FSTL4: variants seen among roughly 807,000 people sequenced by gnomAD.
FSTL4 encodes the protein follistatin like 4.
In FSTL4, 28 loss-of-function variants were observed where a neutral mutation model predicts 78.2. The observed-to-expected ratio is 0.36, with a 90% CI of 0.27 to 0.49. FSTL4 has a LOEUF of 0.49. Ranked by LOEUF, FSTL4 falls within the 20% of genes least tolerant of loss-of-function variation. The pLI, the probability that FSTL4 is intolerant of heterozygous loss-of-function variation, is 0.98. For missense variants in FSTL4, 922 were observed against 1,084.9 expected, an observed-to-expected ratio of 0.85 and a Z score of 2.11; for synonymous variants, 422 against 440.5, an observed-to-expected ratio of 0.96 and a Z score of 0.53.
chr5:133,779,463 G>A, the FSTL4 span, among the ~76,000 whole-genome samples: 520 of 152,258 alleles, frequency 3.4e-3, 4 homozygotes, highest in East Asian at 7.3e-3. Flanking sequence ...GCGGGCACCT[G>A]TAGTCCCAGC....
chr5:133,201,428 G>C (rs1173876688), intron 15 of FSTL4, among the ~76,000 whole-genome samples: 3 of 152,170 alleles, frequency 2.0e-5, no homozygotes, highest in Non-Finnish European at 4.4e-5. Flanking sequence ...AAAGTATTAT[G>C]GGCTGTGGTT....
chr5:133,351,082 C>A (rs1291268834), intron 4 of FSTL4, among the ~76,000 whole-genome samples: 1 of 152,170 alleles, frequency 6.6e-6, no homozygotes, highest in African/African-American at 2.4e-5. Flanking sequence ...TTTTGGCCAG[C>A]AGAGGGAAAG....
At position 133,400,719 on chromosome 5, in the gene FSTL4, GCAAGGGCCCTGTT is replaced by G. The variant is rs1275267328; in HGVS notation, c.409+6_409+18del. The G allele has an allele frequency of 6.2e-7, 1 of 1,608,970 alleles. No homozygotes were observed. Among genetic ancestry groups the G allele is most frequent in the South Asian group, 1.1e-5 (1 of 90,996 alleles). ...CCATCACAAAACCCAAAACCACAGG[GCAAGGGCCCTGTT>G]CCTACCTTTGAGGAAACAGTCCTTG... On this transcript the variant is annotated splice_donor_region_variant and intron_variant, in intron 4 of 15. Transcript: ENST00000265342.
chr5:133,542,922 CT>C (rs200858815), intron 3 of FSTL4, among the ~76,000 whole-genome samples: 2,202 of 143,414 alleles, frequency 0.015, 56 homozygotes, highest in African/African-American at 0.051. Flanking sequence ...TTCTGTTGTA[CT>C]TTTTTTTTTT....
intron 4 of FSTL4, 117 bp downstream of exon 4, chr5:133,400,621 G>T: frequency 1.1e-6 from 1 of 946,364 alleles, no homozygotes; most frequent in Non-Finnish European, 1.6e-6. Flanking sequence ...ACCAGTCTTT[G>T]TCTTTATTTC....
chr5:133,502,192 G>A (rs1052663380), intron 3 of FSTL4, among the ~76,000 whole-genome samples: 3 of 152,182 alleles, frequency 2.0e-5, no homozygotes, highest in African/African-American at 7.2e-5. Flanking sequence ...GCAGCCCTAG[G>A]AGACTAACAC....
the FSTL4 span, among the ~76,000 whole-genome samples, chr5:133,645,383 G>A: frequency 2.6e-5 from 4 of 152,142 alleles, no homozygotes; most frequent in African/African-American, 7.2e-5. Context: ...TGTTGATGCA[G>A]GATGGCAAGC....
At chr5:133,510,882 C>A (rs1165383253) in intron 3 of FSTL4, among the ~76,000 whole-genome samples, 1 of 152,134 alleles carries the variant, frequency 6.6e-6, no homozygotes, top group East Asian at 1.9e-4. Flanking sequence ...GACGTCAAAA[C>A]CCATCTGTGA....
chr5:133,613,238 A>C (rs142261722), upstream of FSTL4, among the ~76,000 whole-genome samples: 56 of 152,318 alleles, frequency 3.7e-4, no homozygotes, highest in Non-Finnish European at 6.9e-4. Context: ...TCCCGAATGA[A>C]CTGGAAACAC....
At chr5:133,688,848 C>T in the FSTL4 span, among the ~76,000 whole-genome samples, 5 of 152,174 alleles carry the variant, frequency 3.3e-5, no homozygotes, top group African/African-American at 1.2e-4. Flanking sequence ...TACCACGGGG[C>T]CAGGGATGTC....
chr5:133,812,505 T>G, the FSTL4 span, among the ~76,000 whole-genome samples: 3 of 152,252 alleles, frequency 2.0e-5, no homozygotes, highest in African/African-American at 7.2e-5. Context: ...TTGCACCAGC[T>G]GATCCCTCTA....
At chr5:133,681,678 A>G in the FSTL4 span, among the ~76,000 whole-genome samples, 1 of 152,194 alleles carries the variant, frequency 6.6e-6, no homozygotes, top group Non-Finnish European at 1.5e-5. Context: ...GCTAATCAGG[A>G]GGAATTGGAC....
chr5:133,583,250 T>C (rs1328608261), intron 2 of FSTL4: 3 of 455,884 alleles, frequency 6.6e-6, no homozygotes, highest in African/African-American at 2.0e-5. Context: ...TGGCTGCCAA[T>C]GCTGGGAATC....
chr5:133,709,459 A>T, the FSTL4 span, among the ~76,000 whole-genome samples: 1 of 152,232 alleles, frequency 6.6e-6, no homozygotes, highest in African/African-American at 2.4e-5. Flanking sequence ...TATTTTCTTC[A>T]GTCTATTTTT....
At chr5:133,690,068 CACAAACAAACAA>C in the FSTL4 span, among the ~76,000 whole-genome samples, 77 of 149,806 alleles carry the variant, frequency 5.1e-4, no homozygotes, top group East Asian at 2.0e-4. Flanking sequence ...TTTCAAAACA[CACAAACAAACAA>C]ACAAACAAAC....
intron 4 of FSTL4, among the ~76,000 whole-genome samples, chr5:133,391,835 G>A (rs1433520147): frequency 2.0e-5 from 3 of 152,154 alleles, no homozygotes; most frequent in Non-Finnish European, 2.9e-5. Context: ...CAGAGGCTCT[G>A]GCTAACTGCC....
At chr5:133,840,610 C>T in the FSTL4 span, among the ~76,000 whole-genome samples, 2 of 152,316 alleles carry the variant, frequency 1.3e-5, no homozygotes, top group East Asian at 3.9e-4. Context: ...CTCACAGGCC[C>T]ATCTGCTTTC....
At chr5:133,329,956 A>T (rs2126906894) in intron 4 of FSTL4, among the ~76,000 whole-genome samples, 1 of 152,292 alleles carries the variant, frequency 6.6e-6, no homozygotes, top group Non-Finnish European at 1.5e-5. Flanking sequence ...CCAAGGATGC[A>T]CCTCTGCTGT....
the FSTL4 span, among the ~76,000 whole-genome samples, chr5:133,751,180 C>A: frequency 6.6e-5 from 10 of 152,156 alleles, no homozygotes; most frequent in Admixed American, 6.5e-4. Flanking sequence ...GTCCCAAAGG[C>A]CCCCAAGCAA....
Sources: allele counts gnomAD v4.1 joint callset (sites outside exome capture counted in the v4.1 genomes callset), GRCh38; gene constraint gnomAD v4.1.1; transcripts MANE v1.5; gene names NCBI Gene and HGNC (gene_info 2026-07-23, HGNC 2026-07-21).